The following ZDHHC14 variants were observed in gnomAD, a reference collection of about 807,000 sequenced individuals.
ZDHHC14 encodes the protein zDHHC palmitoyltransferase 14.
A neutral mutation model predicts 47.7 loss-of-function variants in ZDHHC14; 16 were observed. The observed-to-expected ratio is 0.34, with a 90% CI of 0.23 to 0.51. The LOEUF (loss-of-function observed/expected upper bound fraction) is 0.51. Among genes scored for constraint, ZDHHC14 ranks in the 20% least tolerant of loss-of-function variants. The pLI is 0.97. For missense variants in ZDHHC14, 515 were observed against 662.5 expected, an observed-to-expected ratio of 0.78 and a Z score of 2.44; for synonymous variants, 293 against 278.9, an observed-to-expected ratio of 1.05 and a Z score of -0.50.
chr6:157,518,363 T>C (rs1321977955), intron 1 of ZDHHC14, among the ~76,000 whole-genome samples: 2 of 118,772 alleles, frequency 1.7e-5, no homozygotes, highest in Non-Finnish European at 3.3e-5. Flanking sequence ...TGTGTGGTCA[T>C]TGAGCTCTCC....
rs918980086 is a variant in ZDHHC14 at position 157,674,901 on chromosome 6, A to G, written c.*1779A>G. On this transcript the variant is annotated 3_prime_UTR_variant, in exon 9 of 9. Transcript: ENST00000359775. ...GGTCCATTCTATGTAGCCATTTTTG[A>G]TTTTCTGAACCACCTAACTACTTGT... is the stretch of plus-strand genomic sequence containing the variant. 2 of 152,012 alleles carry G rather than the reference A, an allele frequency of 1.3e-5. No individual in the cohort carries two copies. The highest frequency in any genetic ancestry group is 2.9e-5 in the Non-Finnish European group (2 of 67,990). The allele number at this position is 152,012 out of a possible 1,614,324, so 9.4% of individuals were successfully genotyped here. A position where few individuals can be genotyped will look rare whatever the true frequency, so the allele number is the denominator to read the frequency against.
intron 1 of ZDHHC14, among the ~76,000 whole-genome samples, chr6:157,456,244 A>G (rs1325697326): frequency 1.3e-5 from 2 of 152,208 alleles, no homozygotes; most frequent in Non-Finnish European, 2.9e-5. Context: ...AAGCAAAGAC[A>G]GTTCCAGTGA....
intron 1 of ZDHHC14, among the ~76,000 whole-genome samples, chr6:157,534,713 C>G (rs1781480268): frequency 6.6e-6 from 1 of 152,048 alleles, no homozygotes; most frequent in Non-Finnish European, 1.5e-5. Flanking sequence ...CTCAGCCTCC[C>G]AAGTGGTTGG....
intron 1 of ZDHHC14, among the ~76,000 whole-genome samples, chr6:157,413,534 GA>G (rs1357151421): frequency 2.8e-4 from 42 of 151,434 alleles, no homozygotes; most frequent in Admixed American, 3.3e-4. Context: ...CTTTCAGAAA[GA>G]TTTTTTTTTT....
At chr6:157,672,406 CA>C (rs1778836893) in intron 8 of ZDHHC14, among the ~76,000 whole-genome samples, 2 of 152,090 alleles carry the variant, frequency 1.3e-5, no homozygotes, top group African/African-American at 4.8e-5. Flanking sequence ...TGACTCTGTC[CA>C]AGAGATTTTT....
intron 4 of ZDHHC14, 161 bp downstream of exon 4, chr6:157,628,647 C>T: frequency 1.1e-6 from 1 of 898,698 alleles, no homozygotes; most frequent in Non-Finnish European, 1.7e-6. Flanking sequence ...TTTTGTTTCT[C>T]ACCCTCCTCC....
chr6:157,586,922 T>G lies in ZDHHC14; in HGVS notation c.407-6066T>G, dbSNP rs373119469. Among the ~76,000 whole-genome samples the G allele has an allele frequency of 3.3e-5, 5 of 152,350 alleles. No homozygotes were observed. In the East Asian group the frequency reaches 9.6e-4, roughly 29 times the overall value. On this transcript the variant is annotated intron_variant, in intron 2 of 8. Transcript: ENST00000359775. This position sits in a 1 kb window ranked among gnomAD's most constrained non-coding sequence, Gnocchi z 4.6. ...TCACCTCTTTGTAACAGAGGTTCAA[T>G]CTTTTAAAAAATGCACTTTGGAACT...
intron 1 of ZDHHC14, among the ~76,000 whole-genome samples, chr6:157,468,707 T>C (rs1356803386): frequency 6.6e-6 from 1 of 152,240 alleles, no homozygotes; most frequent in East Asian, 1.9e-4. Context: ...TCCTGTTTTA[T>C]GGAGAAGATA....
At chr6:157,645,973 G>A (rs1314808644) in intron 6 of ZDHHC14, 134 bp downstream of exon 6, 2 of 699,654 alleles carry the variant, frequency 2.9e-6, no homozygotes, top group African/African-American at 1.8e-5. Flanking sequence ...GAACAGAGAC[G>A]GTGCCGTGGA....
chr6:157,630,631 C>T (rs1319732363), intron 4 of ZDHHC14: 1 of 149,152 alleles, frequency 6.7e-6, no homozygotes, highest in African/African-American at 2.5e-5. Context: ...AATATGCTCA[C>T]ACATGTACCC....
intron 1 of ZDHHC14, among the ~76,000 whole-genome samples, chr6:157,482,330 G>A (rs1258730756): frequency 6.9e-6 from 1 of 145,152 alleles, no homozygotes; most frequent in Non-Finnish European, 1.5e-5. Flanking sequence ...GCACGATCTC[G>A]GCTCACTCTG....
intron 1 of ZDHHC14, among the ~76,000 whole-genome samples, chr6:157,436,709 C>T (rs1387345781): frequency 6.6e-6 from 1 of 151,988 alleles, no homozygotes; most frequent in Non-Finnish European, 1.5e-5. Flanking sequence ...GAATCTGAGC[C>T]CCTAGAGGCA....
chr6:157,384,160 T>C (rs1777268402), intron 1 of ZDHHC14, among the ~76,000 whole-genome samples: 2 of 152,128 alleles, frequency 1.3e-5, no homozygotes, highest in Admixed American at 1.3e-4. Context: ...GTGGAGAAAA[T>C]GGGTTAATTT....
At chr6:157,540,910 G>GTGTGTGTATATATATATATATA (rs1284429244) in intron 1 of ZDHHC14, among the ~76,000 whole-genome samples, 2 of 122,988 alleles carry the variant, frequency 1.6e-5, no homozygotes, top group Admixed American at 7.8e-5. Context: ...GTGTGTGTGT[G>GTGTGTGTATATATATATATATA]TATATATATA....
chr6:157,404,246 C>T (rs1777700124), intron 1 of ZDHHC14, among the ~76,000 whole-genome samples: 1 of 152,114 alleles, frequency 6.6e-6, no homozygotes, highest in Admixed American at 6.5e-5. Flanking sequence ...AAGTGGTTCT[C>T]CTGCCTCAGC....
intron 3 of ZDHHC14, among the ~76,000 whole-genome samples, chr6:157,613,642 G>T (rs1242575983): frequency 6.6e-6 from 1 of 152,126 alleles, no homozygotes; most frequent in Non-Finnish European, 1.5e-5. Context: ...TTTAAATTCT[G>T]GTTGAAATAA....
intron 1 of ZDHHC14, among the ~76,000 whole-genome samples, chr6:157,401,709 C>A (rs1331927810): frequency 7.0e-6 from 1 of 143,068 alleles, no homozygotes; most frequent in Non-Finnish European, 1.5e-5. Flanking sequence ...TGAGGACACC[C>A]TGCAGTAGTG....
intron 5 of ZDHHC14, among the ~76,000 whole-genome samples, chr6:157,634,207 C>T (rs895140721): frequency 6.6e-6 from 1 of 152,080 alleles, no homozygotes; most frequent in African/African-American, 2.4e-5. Flanking sequence ...CAGATTCTAT[C>T]GTCAACTAAT....
intron 1 of ZDHHC14, among the ~76,000 whole-genome samples, chr6:157,495,126 G>C (rs1206146558): frequency 6.6e-6 from 1 of 151,922 alleles, no homozygotes. Flanking sequence ...GAGATTTATA[G>C]TGTTTTTTTG....
Sources: allele counts gnomAD v4.1 joint callset (sites outside exome capture counted in the v4.1 genomes callset), GRCh38; gene constraint gnomAD v4.1.1; non-coding constraint Gnocchi (gnomAD v3.1); transcripts MANE v1.5; gene names NCBI Gene and HGNC (gene_info 2026-07-23, HGNC 2026-07-21).